Variants in INPP4B observed in about 807,000 individuals in gnomAD.
INPP4B encodes inositol polyphosphate-4-phosphatase type II B.
A neutral mutation model predicts 122.5 loss-of-function variants in INPP4B; 55 were observed. That is an observed-to-expected ratio of 0.45 (90% CI 0.36 to 0.56). INPP4B has a LOEUF of 0.56. Ranked by LOEUF, INPP4B falls within the 20% of genes least tolerant of loss-of-function variation. INPP4B has a pLI of 0.00. For missense variants in INPP4B, 1,000 were observed against 1,097.7 expected, an observed-to-expected ratio of 0.91 and a Z score of 1.26; for synonymous variants, 403 against 388.7, an observed-to-expected ratio of 1.04 and a Z score of -0.43.
chr4:142,591,995 G>C (rs1372324171), intron 2 of INPP4B, among the ~76,000 whole-genome samples: 1 of 152,156 alleles, frequency 6.6e-6, no homozygotes, highest in Non-Finnish European at 1.5e-5. Flanking sequence ...AATGAAGTAT[G>C]AGCTGTAGAT....
At chr4:142,130,690 A>G (rs1800821952) in intron 18 of INPP4B, among the ~76,000 whole-genome samples, 1 of 152,220 alleles carries the variant, frequency 6.6e-6, no homozygotes, top group South Asian at 2.1e-4. Flanking sequence ...ACAAACATGT[A>G]TCTTAAAATG....
At chr4:142,614,505 C>T (rs1458540069) in intron 2 of INPP4B, among the ~76,000 whole-genome samples, 1 of 151,964 alleles carries the variant, frequency 6.6e-6, no homozygotes, top group Non-Finnish European at 1.5e-5. Flanking sequence ...TGACTAAGTC[C>T]TCAAAAGGAA....
intron 2 of INPP4B, among the ~76,000 whole-genome samples, chr4:142,680,100 T>C (rs1338401110): frequency 2.0e-5 from 3 of 151,834 alleles, no homozygotes; most frequent in Non-Finnish European, 4.4e-5. Context: ...AGCTATAACA[T>C]CACCATGCAT....
At chr4:142,740,354 T>C (rs1767723443) in intron 1 of INPP4B, among the ~76,000 whole-genome samples, 1 of 152,094 alleles carries the variant, frequency 6.6e-6, no homozygotes, top group Admixed American at 6.6e-5. Context: ...GATTTATGCT[T>C]CTGGCAATAT....
intron 12 of INPP4B, among the ~76,000 whole-genome samples, chr4:142,232,998 A>T (rs1855077156): frequency 6.6e-6 from 1 of 152,174 alleles, no homozygotes; most frequent in South Asian, 2.1e-4. Context: ...GCTGACAGAC[A>T]TTGGTTCATG....
At chr4:142,291,321 C>T (rs2627812) in intron 9 of INPP4B, among the ~76,000 whole-genome samples, 5 of 152,032 alleles carry the variant, frequency 3.3e-5, no homozygotes. Context: ...ACATAATTGA[C>T]GTACAAAGAA....
chr4:142,734,719 CA>C (rs1235006614), intron 1 of INPP4B, among the ~76,000 whole-genome samples: 4 of 152,182 alleles, frequency 2.6e-5, no homozygotes, highest in African/African-American at 9.6e-5. Context: ...GATCTCGGCT[CA>C]CTGCAACCTC....
At chr4:142,202,331 C>T (rs1386816107) in intron 14 of INPP4B, among the ~76,000 whole-genome samples, 1 of 152,064 alleles carries the variant, frequency 6.6e-6, no homozygotes, top group Non-Finnish European at 1.5e-5. Flanking sequence ...TGAAGACACG[C>T]TGACCTCATA....
At chr4:142,406,774 T>C (rs942037892) in intron 5 of INPP4B, among the ~76,000 whole-genome samples, 64 of 152,238 alleles carry the variant, frequency 4.2e-4, no homozygotes, top group African/African-American at 1.5e-3. Flanking sequence ...ACCCTTACTA[T>C]TTTTGAGGCA....
At chr4:142,800,430 C>T (rs1777856099) in intron 1 of INPP4B, among the ~76,000 whole-genome samples, 1 of 152,078 alleles carries the variant, frequency 6.6e-6, no homozygotes, top group Non-Finnish European at 1.5e-5. Context: ...ATCATGTTTT[C>T]TCTCCTATCA....
chr4:142,067,858 G>T (rs964885458), intron 25 of INPP4B, among the ~76,000 whole-genome samples: 7 of 152,206 alleles, frequency 4.6e-5, no homozygotes, highest in Non-Finnish European at 8.8e-5. Flanking sequence ...TGTCTGATTG[G>T]TGTACCTGAA....
chr4:142,054,806 A>C (rs1392621238), intron 25 of INPP4B, among the ~76,000 whole-genome samples: 1 of 152,274 alleles, frequency 6.6e-6, no homozygotes, highest in African/African-American at 2.4e-5. Context: ...TGGAGATAAC[A>C]ATACACATAA....
intron 11 of INPP4B, among the ~76,000 whole-genome samples, chr4:142,258,271 A>G (rs1489809574): frequency 3.9e-5 from 6 of 152,178 alleles, no homozygotes; most frequent in African/African-American, 1.4e-4. Flanking sequence ...CCTAGGCATT[A>G]CCATTCAGGA....
intron 25 of INPP4B, among the ~76,000 whole-genome samples, chr4:142,048,830 C>T (rs746108593): frequency 6.6e-6 from 1 of 151,834 alleles, no homozygotes; most frequent in Non-Finnish European, 1.5e-5. Flanking sequence ...CAGTTGGAAG[C>T]AGAAAAGCCA....
At chr4:142,237,042 AT>A (rs1465521638) in intron 12 of INPP4B, among the ~76,000 whole-genome samples, 11 of 152,322 alleles carry the variant, frequency 7.2e-5, no homozygotes, top group African/African-American at 2.4e-4. Context: ...TTGATTAGTC[AT>A]GGTCCAGAGA....
chr4:142,166,242 T>C (rs1822646288), intron 16 of INPP4B, among the ~76,000 whole-genome samples: 1 of 151,710 alleles, frequency 6.6e-6, no homozygotes. Context: ...ATTTTATATA[T>C]GTATGAGGTA....
intron 7 of INPP4B, among the ~76,000 whole-genome samples, chr4:142,356,279 G>T (rs185824324): frequency 1.4e-3 from 210 of 148,704 alleles, no homozygotes; most frequent in African/African-American, 5.1e-3. Context: ...GGAGAGCAGT[G>T]AGTGTTGATT....
chr4:142,339,246 C>T (rs948614564), intron 7 of INPP4B, among the ~76,000 whole-genome samples: 3 of 152,110 alleles, frequency 2.0e-5, no homozygotes, highest in Non-Finnish European at 4.4e-5. Flanking sequence ...TGGAATTATC[C>T]TAATTTGCAA....
At chr4:142,078,768 A>C (rs777023284) in intron 25 of INPP4B, among the ~76,000 whole-genome samples, 2 of 152,032 alleles carry the variant, frequency 1.3e-5, no homozygotes, top group Non-Finnish European at 2.9e-5. Context: ...ACCTTGGCGA[A>C]CTTTATTTTT....
Sources: gnomAD v4.1 joint callset for allele counts (sites outside exome capture counted in the v4.1 genomes callset) on GRCh38, gnomAD v4.1.1 for gene constraint, MANE v1.5 for transcripts, NCBI Gene and HGNC (gene_info 2026-07-23, HGNC 2026-07-21) for gene names.